EYA4: variants seen among roughly 807,000 people sequenced by gnomAD.
EYA4 encodes protein phosphatase EYA4.
EYA4 carries 31 observed loss-of-function variants against 87.9 expected under a neutral mutation model. The observed-to-expected ratio is 0.35, with a 90% CI of 0.27 to 0.48. The LOEUF (loss-of-function observed/expected upper bound fraction) is 0.48. Among genes scored for constraint, EYA4 ranks in the 20% least tolerant of loss-of-function variants. The pLI is 0.99. For missense variants in EYA4, 678 were observed against 761.4 expected, an observed-to-expected ratio of 0.89 and a Z score of 1.29; for synonymous variants, 263 against 270.6, an observed-to-expected ratio of 0.97 and a Z score of 0.28.
At chr6:133,322,879 AG>A (rs1562288356) in intron 2 of EYA4, among the ~76,000 whole-genome samples, 1 of 152,166 alleles carries the variant, frequency 6.6e-6, no homozygotes, top group African/African-American at 2.4e-5. Flanking sequence ...ACTTTCTATG[AG>A]TTGCAAAACT....
At chr6:133,423,620 G>T (rs1295756552) in intron 3 of EYA4, among the ~76,000 whole-genome samples, 1 of 152,062 alleles carries the variant, frequency 6.6e-6, no homozygotes, top group Non-Finnish European at 1.5e-5. Flanking sequence ...TATTACAAAG[G>T]TAGTATAGTT....
chr6:133,321,591 A>G (rs1429898997), intron 2 of EYA4, among the ~76,000 whole-genome samples: 8 of 152,242 alleles, frequency 5.3e-5, no homozygotes, highest in Non-Finnish European at 1.2e-4. Context: ...ACAAACTTCC[A>G]TAAAAATAAT....
intron 1 of EYA4, among the ~76,000 whole-genome samples, chr6:133,262,317 G>A (rs1775864509): frequency 6.6e-6 from 1 of 152,230 alleles, no homozygotes; most frequent in Non-Finnish European, 1.5e-5. Flanking sequence ...CTACAGGAGA[G>A]CCAGCTAGAT....
intron 17 of EYA4, among the ~76,000 whole-genome samples, chr6:133,519,180 A>C (rs1481364116): frequency 6.6e-6 from 1 of 151,164 alleles, no homozygotes; most frequent in Non-Finnish European, 1.5e-5. Context: ...GACACAAAAA[A>C]ACCTTCAAAA....
intron 2 of EYA4, among the ~76,000 whole-genome samples, chr6:133,292,396 T>C (rs1299463286): frequency 2.0e-5 from 3 of 152,254 alleles, no homozygotes; most frequent in Non-Finnish European, 4.4e-5. Context: ...TATTCTTGCA[T>C]AATTGTTGGA....
At chr6:133,391,899 A>G (rs1161132896) in intron 3 of EYA4, among the ~76,000 whole-genome samples, 1 of 152,092 alleles carries the variant, frequency 6.6e-6, no homozygotes, top group Non-Finnish European at 1.5e-5. Flanking sequence ...AATCCAGCCT[A>G]TATAAACTAG....
At chr6:133,413,899 C>G (rs953606983) in intron 3 of EYA4, among the ~76,000 whole-genome samples, 2 of 152,252 alleles carry the variant, frequency 1.3e-5, no homozygotes, top group South Asian at 4.1e-4. Context: ...GTGCATCGTG[C>G]CTTCTTCATC....
At chr6:133,362,217 A>G (rs189272422) in intron 2 of EYA4, among the ~76,000 whole-genome samples, 2 of 152,266 alleles carry the variant, frequency 1.3e-5, no homozygotes, top group East Asian at 1.9e-4. Context: ...TAGATTCACT[A>G]GGAGACTTAG....
chr6:133,337,403 G>A (rs994306864), intron 2 of EYA4, among the ~76,000 whole-genome samples: 1 of 152,182 alleles, frequency 6.6e-6, no homozygotes, highest in African/African-American at 2.4e-5. Flanking sequence ...AAGACAGAGA[G>A]GGATTTAATG....
intron 1 of EYA4, among the ~76,000 whole-genome samples, chr6:133,271,274 A>G (rs1776663521): frequency 6.6e-6 from 1 of 152,176 alleles, no homozygotes. Flanking sequence ...TCAAAAGGCC[A>G]TTCCACCATT....
chr6:133,468,001 T>G (rs1236750993), intron 10 of EYA4, among the ~76,000 whole-genome samples: 2 of 152,050 alleles, frequency 1.3e-5, no homozygotes, highest in Admixed American at 6.6e-5. Context: ...AGGTGGCATG[T>G]AGTTTGTGAG....
At chr6:133,423,258 C>T (rs1790376039) in intron 3 of EYA4, among the ~76,000 whole-genome samples, 1 of 152,008 alleles carries the variant, frequency 6.6e-6, no homozygotes, top group Admixed American at 6.6e-5. Context: ...GCAAAATACA[C>T]AAAAATATAT....
intron 2 of EYA4, among the ~76,000 whole-genome samples, chr6:133,373,120 G>A (rs1785404784): frequency 6.6e-6 from 1 of 152,030 alleles, no homozygotes; most frequent in East Asian, 1.9e-4. Context: ...AAATGATGGT[G>A]TACTAGAGTA....
In EYA4 at chr6:133,488,388, G is replaced by A. The variant is rs142652088; in HGVS notation, c.1191+5273G>A. Among the ~76,000 whole-genome samples the A allele has an allele frequency of 1.2e-3, 177 of 152,192 alleles. 1 individual carries two copies. Among genetic ancestry groups the A allele is most frequent in the Middle Eastern group, 3.4e-3 (1 of 294 alleles). On this transcript the variant is annotated intron_variant, in intron 13 of 19. Coordinates refer to ENST00000355286, the MANE Select transcript of EYA4 (RefSeq NM_004100.5). ...CTAGTTTTGCCACCTGCTGATTGTA[G>A]AGCCTTGAGCAAACATAGGTGGTAG... is the stretch of plus-strand genomic sequence containing the variant.
chr6:133,269,917 C>T (rs987836162), intron 1 of EYA4, among the ~76,000 whole-genome samples: 7 of 152,174 alleles, frequency 4.6e-5, no homozygotes, highest in Non-Finnish European at 7.4e-5. Flanking sequence ...AGAGCCAGTG[C>T]GAGTCCCAAA....
intron 17 of EYA4, 106 bp downstream of exon 17, chr6:133,515,541 G>T: frequency 1.3e-6 from 1 of 750,836 alleles, no homozygotes; most frequent in South Asian, 1.4e-5. Context: ...AGACTTTAAG[G>T]GACCTAACAA....
At chr6:133,444,883 A>G (rs1792657193) in intron 3 of EYA4, among the ~76,000 whole-genome samples, 1 of 152,202 alleles carries the variant, frequency 6.6e-6, no homozygotes, top group Admixed American at 6.5e-5. Flanking sequence ...TCTTGGTTGT[A>G]TAATCTAACC....
intron 2 of EYA4, among the ~76,000 whole-genome samples, chr6:133,286,210 T>C (rs892794369): frequency 1.3e-5 from 2 of 152,204 alleles, no homozygotes; most frequent in Admixed American, 1.3e-4. Context: ...GCTGGATTGC[T>C]AGTGCACTGC....
chr6:133,253,720 C>T (rs1775108343), intron 1 of EYA4, among the ~76,000 whole-genome samples: 1 of 152,004 alleles, frequency 6.6e-6, no homozygotes, highest in South Asian at 2.1e-4. Context: ...TCTGTGAAGC[C>T]TTCCTTAAGG....
Sources: gnomAD v4.1 joint callset for allele counts (sites outside exome capture counted in the v4.1 genomes callset) on GRCh38, gnomAD v4.1.1 for gene constraint, MANE v1.5 for transcripts, NCBI Gene and HGNC (gene_info 2026-07-23, HGNC 2026-07-21) for gene names.